SELE: variants seen among roughly 807,000 people sequenced by gnomAD.
SELE encodes the protein selectin E.
A neutral mutation model predicts 75.8 loss-of-function variants in SELE; 52 were observed. The ratio of observed to expected loss-of-function variants is 0.69; its 90% CI spans 0.55 to 0.86. The LOEUF (loss-of-function observed/expected upper bound fraction) is 0.86, where lower values mean the gene tolerates loss of function less well. Among genes scored for constraint, SELE ranks in the 40% least tolerant of loss-of-function variants. SELE has a pLI of 0.00. For synonymous variants in SELE, 285 were observed against 258.7 expected (o/e 1.10, Z -0.98); for missense variants, 754 against 732.7 (o/e 1.03, Z -0.34).
At chr1:169,726,861 C>G in intron 10 of SELE, 55 bp from the exon 11 acceptor site, 1 of 1,269,562 alleles carries the variant, frequency 7.9e-7, no homozygotes, top group Non-Finnish European at 1.1e-6. Context: ...GTTAAAGTCT[C>G]TCCGTCCTGT....
intron 3 of SELE, among the ~76,000 whole-genome samples, 187 bp downstream of exon 3, chr1:169,732,428 A>G (rs1019855610): frequency 6.6e-6 from 1 of 151,626 alleles, no homozygotes; most frequent in Admixed American, 6.6e-5. Flanking sequence ...GTGTGTGTAT[A>G]TATATACATA....
At position 169,722,700 on chromosome 1, in the gene SELE, G is replaced by A. The variant is rs188927146; in HGVS notation, c.*1825C>T. The A allele has an allele frequency of 1.0e-3, 153 of 152,114 alleles. 1 individual carries two copies. The highest frequency in any genetic ancestry group is 3.3e-3 in the African/African-American group (136 of 41,502). The allele number at this position is 152,114 out of a possible 1,614,324, so 9.4% of individuals were successfully genotyped here. On this transcript the variant is annotated 3_prime_UTR_variant, in exon 14 of 14. Coordinates refer to ENST00000333360, the MANE Select transcript of SELE (RefSeq NM_000450.2). ...GTTATGTCAAATAGGTCTGACATAA[G>A]CTTAAATAAATATATACTTTAAAAA...
chr1:169,729,592 G>A lies in SELE; in HGVS notation c.797C>T (p.Thr266Ile), dbSNP rs769922803. The change falls in exon 6 of 14, where the codon ACA becomes ATA. Residue 266 changes from threonine (T) to isoleucine (I), a missense_variant. Thr to Ile is a moderately conservative substitution (Grantham distance 89). Coordinates refer to ENST00000333360, the MANE Select transcript of SELE (RefSeq NM_000450.2). ...TTCTTCACAGTCAAATGTACAGGTTGTGTTCCATGGGAAGCTTCCAGGGTT... is the reference window on the plus strand; with the variant it reads ...TTCTTCACAGTCAAATGTACAGGTTATGTTCCATGGGAAGCTTCCAGGGTT... ...FQNPGSFPWN[T>I]TCTFDCEEGF... 6.2e-7 allele frequency: 1 copy of A among 1,614,160 alleles called. No homozygotes were observed. The highest frequency in any genetic ancestry group is 1.1e-5 in the South Asian group (1 of 91,082).
At position 169,728,251 on chromosome 1, in the gene SELE, G is replaced by A. The variant is rs780176546; in HGVS notation, c.1091-5C>T. On this transcript the variant is annotated splice_polypyrimidine_tract_variant and splice_region_variant and intron_variant, in intron 7 of 13. Transcript: ENST00000333360. Reference sequence around the variant, plus strand: ...ACAAGGCTGTGCACTGGAAAGCTGAGACATCAAAATGATGGTCAGAAAATA... The same window carrying A: ...ACAAGGCTGTGCACTGGAAAGCTGAAACATCAAAATGATGGTCAGAAAATA... 8 of 1,612,286 alleles carry A rather than the reference G, an allele frequency of 5.0e-6. No homozygotes were observed. In the South Asian group the frequency reaches 6.6e-5, roughly 13 times the overall value.
At chr1:169,729,745 T>A (rs954433801) in intron 5 of SELE, 72 bp from the exon 6 acceptor site, 21 of 1,470,890 alleles carry the variant, frequency 1.4e-5, no homozygotes, top group Admixed American at 7.2e-5. Context: ...GCTGGGTGCC[T>A]AACAGAGTGA....
chr1:169,733,946 C>T, intron 1 of SELE, 25 bp downstream of exon 1: 1 of 338,886 alleles, frequency 3.0e-6, no homozygotes, highest in Non-Finnish European at 5.5e-6. Flanking sequence ...CCCGAGGCTG[C>T]CCTTATAAAG....
rs1208768467 is a variant in SELE, at chr1:169,727,857, T to A, written c.1350A>T (p.Glu450Asp). The A allele has an allele frequency of 5.0e-6, 8 of 1,614,040 alleles. No homozygotes were observed. Among genetic ancestry groups the A allele is most frequent in the Non-Finnish European group, 5.9e-6 (7 of 1,180,020 alleles). The change falls in exon 9 of 14, where the codon GAA (glutamate) becomes GAT (aspartate). Residue 450 changes from glutamate to aspartate, a missense_variant. Glu to Asp is a conservative substitution (Grantham distance 45). Transcript: ENST00000333360. Reference sequence around the variant, plus strand: ...AGGCACAAGAGGACTTGTAGGTGAATTCTCCAATAGGGGAATGAGCACACC... The same window carrying A: ...AGGCACAAGAGGACTTGTAGGTGAAATCTCCAATAGGGGAATGAGCACACC... ...LVRCAHSPIG[E>D]FTYKSSCAFS...
rs1476945889 is a variant in SELE at position 169,724,384 on chromosome 1, TG to T, written c.*140del. On this transcript the variant is annotated 3_prime_UTR_variant, in exon 14 of 14. Transcript: ENST00000333360. The stretch of plus-strand genomic sequence containing the variant: ...GGACTTTGATCTATTGAAGTGGTGA[TG>T]GGTGTTGCGGTTTCAGCCATAAAGG... 1 of 152,218 alleles carries T rather than the reference TG, an allele frequency of 6.6e-6. No homozygotes were observed. Among genetic ancestry groups the T allele is most frequent in the Non-Finnish European group, 1.5e-5 (1 of 68,050 alleles). The allele number at this position is 152,218 out of a possible 1,614,324, so 9.4% of individuals were successfully genotyped here. A position where few individuals can be genotyped will look rare whatever the true frequency, so the allele number is the denominator to read the frequency against.
intron 4 of SELE, 97 bp from the exon 5 acceptor site, chr1:169,730,714 GT>G: frequency 1.8e-6 from 1 of 540,672 alleles, no homozygotes; most frequent in Non-Finnish European, 2.8e-6. Flanking sequence ...TTTTTTTTTA[GT>G]TTAAAAATTT....
chr1:169,724,071 A>T lies in SELE; in HGVS notation c.*454T>A, dbSNP rs1408407867. ...TATTTTTAGTCATTTTTTTCCTCTA[A>T]ACTCTGGATAATTATTATTCATTCT... On this transcript the variant is annotated 3_prime_UTR_variant, in exon 14 of 14. Transcript: ENST00000333360. 6.6e-6 allele frequency: 1 copy of T among 152,074 alleles called. No homozygotes were observed. Among genetic ancestry groups the T allele is most frequent in the African/African-American group, 2.4e-5 (1 of 41,394 alleles). 9.4% of individuals were successfully genotyped at this position (152,074 alleles called of 1,614,324 possible).
At position 169,733,593 on chromosome 1, in the gene SELE, A is replaced by G. The variant is rs1648972817; in HGVS notation, c.20T>C (p.Leu7Pro). The G allele has an allele frequency of 6.2e-7, 1 of 1,614,088 alleles. No individual in the cohort carries two copies. The highest frequency in any genetic ancestry group is 2.2e-5 in the East Asian group (1 of 44,884). The stretch of plus-strand genomic sequence containing the variant: ...TGACTTACCCAAAGTGAGAGCTGAG[A>G]GAAACTGTGAAGCAATCATGACTTC... MIASQFLSALTLVLLIK... is the reference protein window; with the variant it reads MIASQFPSALTLVLLIK... The change falls in exon 2 of 14, where the codon CTC (leucine) becomes CCC (proline). Residue 7 changes from leucine to proline, a missense_variant. Transcript: ENST00000333360.
At position 169,727,340 on chromosome 1, in the gene SELE, A is replaced by G; in HGVS notation, c.1645+9T>C. On this transcript the variant is annotated intron_variant, in intron 10 of 13. Coordinates refer to ENST00000333360, the MANE Select transcript of SELE (RefSeq NM_000450.2). ...ATCACCAGACAACCACCATCAATCA[A>G]TGCATCACCTTCACAGGTAGGTAGC... is the stretch of plus-strand genomic sequence containing the variant. 1 of 1,607,908 alleles carries G rather than the reference A, an allele frequency of 6.2e-7. No homozygotes were observed. Among genetic ancestry groups the G allele is most frequent in the Admixed American group, 1.7e-5 (1 of 58,816 alleles).
At chr1:169,726,827 G>A in intron 10 of SELE, 21 bp from the exon 11 acceptor site, 1 of 1,544,300 alleles carries the variant, frequency 6.5e-7, no homozygotes, top group Non-Finnish European at 8.9e-7. Context: ...AAGAGACGAA[G>A]AAAGGTCATG....
chr1:169,728,157 A>G lies in SELE; in HGVS notation c.1180T>C (p.Cys394Arg). 6.2e-7 allele frequency: 1 copy of G among 1,614,238 alleles called. No individual in the cohort carries two copies. The highest frequency in any genetic ancestry group is 8.5e-7 in the Non-Finnish European group (1 of 1,180,032). Residue 394 changes from cysteine (C) to arginine (R), a missense_variant, in exon 8 of 14, where the codon TGT becomes CGT. Transcript: ENST00000333360. ...AAACCCTGCTCACAGGAGAACTCACAGCTGGACCCATAACGGAAACTGCCA... is the reference window on the plus strand; with the variant it reads ...AAACCCTGCTCACAGGAGAACTCACGGCTGGACCCATAACGGAAACTGCCA... Reference protein sequence around the residue: ...ASGSFRYGSSCEFSCEQGFVL... With the variant: ...ASGSFRYGSSREFSCEQGFVL...
intron 2 of SELE, 38 bp downstream of exon 2, chr1:169,733,538 C>A (rs751448572): frequency 2.5e-6 from 4 of 1,594,416 alleles, no homozygotes; most frequent in African/African-American, 1.3e-5. Flanking sequence ...ATCTATAGTG[C>A]GAGAATGAGA....
At chr1:169,733,098 G>C in intron 2 of SELE, 100 bp from the exon 3 acceptor site, 2 of 1,209,158 alleles carry the variant, frequency 1.7e-6, no homozygotes, top group African/African-American at 1.5e-5. Context: ...CAATGTTTGT[G>C]ACATGGCCCA....
At position 169,727,439 on chromosome 1, in the gene SELE, C is replaced by A. The variant is rs144621590; in HGVS notation, c.1555G>T (p.Ala519Ser). ...TTGAGCGTCCATCCTTCAGGACAGGCGAACTTGCACACAGTGCCAAACACG... is the reference window on the plus strand; with the variant it reads ...TTGAGCGTCCATCCTTCAGGACAGGAGAACTTGCACACAGTGCCAAACACG... ...EPVFGTVCKF[A>S]CPEGWTLNGS... The change falls in exon 10 of 14, where the codon GCC becomes TCC. Residue 519 changes from alanine to serine, a missense_variant. Transcript: ENST00000333360. 3.7e-6 allele frequency: 6 copies of A among 1,614,132 alleles called. No individual in the cohort carries two copies. The highest frequency in any genetic ancestry group is 5.1e-6 in the Non-Finnish European group (6 of 1,180,024).
At chr1:169,733,768 C>A in intron 1 of SELE, 108 bp from the exon 2 acceptor site, 1 of 674,246 alleles carries the variant, frequency 1.5e-6, no homozygotes, top group South Asian at 1.8e-5. Flanking sequence ...GGGCAAAGGA[C>A]ACTAGTGCAA....
At chr1:169,729,711 A>C in intron 5 of SELE, 38 bp from the exon 6 acceptor site, 4 of 1,602,174 alleles carry the variant, frequency 2.5e-6, no homozygotes, top group Non-Finnish European at 3.4e-6. Context: ...TTTACAGAAG[A>C]ATGATCTTTT....
Sources: gnomAD v4.1 joint callset for allele counts (sites outside exome capture counted in the v4.1 genomes callset) on GRCh38, gnomAD v4.1.1 for gene constraint, MANE v1.5 for transcripts, NCBI Gene and HGNC (gene_info 2026-07-23, HGNC 2026-07-21) for gene names.